Variants in ZNF804B observed in about 807,000 individuals in gnomAD.
ZNF804B encodes the protein zinc finger 804B.
ZNF804B carries 80 observed loss-of-function variants against 101.4 expected under a neutral mutation model. The ratio of observed to expected loss-of-function variants is 0.79; its 90% confidence interval spans 0.66 to 0.95. The LOEUF (loss-of-function observed/expected upper bound fraction) is 0.95. Ranked by LOEUF, ZNF804B falls within the 40% of genes least tolerant of loss-of-function variation. The pLI is 0.00. For missense variants in ZNF804B, 1,673 were observed against 1,561.9 expected (o/e 1.07, Z -1.20); for synonymous variants, 622 against 558.8 (o/e 1.11, Z -1.59).
chr7:88,771,065 T>G (rs897066953), intron 1 of ZNF804B, among the ~76,000 whole-genome samples: 4 of 152,176 alleles, frequency 2.6e-5, no homozygotes, highest in Non-Finnish European at 5.9e-5. Flanking sequence ...ACTGTTCACA[T>G]TTTTAAATAT....
rs538362117 is a variant in ZNF804B at position 89,201,481 on chromosome 7, C to T, written c.109-16674C>T. Among the ~76,000 whole-genome samples the T allele has an allele frequency of 8.6e-5, 13 of 152,022 alleles. No homozygotes were observed. The South Asian group carries it at 2.7e-3, about 32-fold the overall frequency. ...TATTACCTATTAGATATATTGTACA[C>T]TACTTGGTTGATTGGTCCACCAAAA... On this transcript the variant is annotated intron_variant, in intron 1 of 3. Transcript: ENST00000333190.
At chr7:88,985,916 A>G (rs1050417627) in intron 1 of ZNF804B, among the ~76,000 whole-genome samples, 12 of 152,162 alleles carry the variant, frequency 7.9e-5, no homozygotes, top group Non-Finnish European at 1.6e-4. Context: ...ACAGGAGGAT[A>G]TACTTTCTTC....
chr7:89,179,758 G>C (rs1301038889), intron 1 of ZNF804B, among the ~76,000 whole-genome samples: 1 of 152,062 alleles, frequency 6.6e-6, no homozygotes, highest in Non-Finnish European at 1.5e-5. Flanking sequence ...ATCACAGTCT[G>C]GGCTTGTTTG....
intron 1 of ZNF804B, among the ~76,000 whole-genome samples, chr7:89,057,033 T>G (rs1027070164): frequency 2.6e-5 from 4 of 152,176 alleles, no homozygotes; most frequent in Non-Finnish European, 5.9e-5. Flanking sequence ...TGTATTTTCA[T>G]GCTGGTCCCA....
intron 1 of ZNF804B, among the ~76,000 whole-genome samples, chr7:89,154,057 CA>C (rs1188812166): frequency 1.3e-5 from 2 of 151,598 alleles, no homozygotes; most frequent in Non-Finnish European, 2.9e-5. Flanking sequence ...ATAATCCAAT[CA>C]AAAAATGGGC....
intron 1 of ZNF804B, among the ~76,000 whole-genome samples, chr7:88,974,771 TA>T (rs1216664515): frequency 6.6e-6 from 1 of 151,382 alleles, no homozygotes; most frequent in Non-Finnish European, 1.5e-5. Context: ...TCACCTCAAA[TA>T]TTTACCATTT....
chr7:89,081,652 T>C (rs1184301078), intron 1 of ZNF804B, among the ~76,000 whole-genome samples: 1 of 151,874 alleles, frequency 6.6e-6, no homozygotes, highest in Middle Eastern at 3.4e-3. Context: ...GGGATTCACA[T>C]AATCTCTAAC....
intron 1 of ZNF804B, among the ~76,000 whole-genome samples, chr7:88,916,396 T>C (rs1192433764): frequency 2.0e-5 from 3 of 152,142 alleles, no homozygotes; most frequent in Non-Finnish European, 4.4e-5. Context: ...TATTAAAATC[T>C]GGCATAATGG....
At chr7:89,315,889 A>C (rs1328857994) in intron 2 of ZNF804B, among the ~76,000 whole-genome samples, 2 of 152,120 alleles carry the variant, frequency 1.3e-5, no homozygotes, top group African/African-American at 2.4e-5. Flanking sequence ...TATAATGATA[A>C]TTTCTTTGTC....
At chr7:89,105,018 G>A (rs1790114288) in intron 1 of ZNF804B, among the ~76,000 whole-genome samples, 1 of 152,118 alleles carries the variant, frequency 6.6e-6, no homozygotes. Flanking sequence ...GGAAGCTGAT[G>A]ATACCAATCT....
intron 1 of ZNF804B, among the ~76,000 whole-genome samples, chr7:88,791,296 T>C (rs1790378457): frequency 1.3e-5 from 2 of 152,144 alleles, no homozygotes; most frequent in Non-Finnish European, 2.9e-5. Flanking sequence ...GTGACTCCTA[T>C]ACGGGGTAAA....
intron 1 of ZNF804B, among the ~76,000 whole-genome samples, chr7:88,898,244 G>A (rs1224261988): frequency 6.6e-5 from 10 of 151,314 alleles, no homozygotes; most frequent in Admixed American, 4.0e-4. Context: ...CCGCCACCAC[G>A]CCCAGCTAAT....
intron 2 of ZNF804B, among the ~76,000 whole-genome samples, chr7:89,263,266 C>T (rs1411682772): frequency 2.0e-5 from 3 of 152,240 alleles, no homozygotes; most frequent in South Asian, 2.1e-4. Flanking sequence ...TAATTCTGGT[C>T]GTTGATCCTT....
chr7:88,792,682 T>G (rs1015456261), intron 1 of ZNF804B, among the ~76,000 whole-genome samples: 2 of 152,132 alleles, frequency 1.3e-5, no homozygotes, highest in Non-Finnish European at 2.9e-5. Flanking sequence ...ATAATGCTGT[T>G]TAATATTAGG....
At chr7:89,136,395 G>A (rs1393405932) in intron 1 of ZNF804B, among the ~76,000 whole-genome samples, 1 of 151,888 alleles carries the variant, frequency 6.6e-6, no homozygotes, top group South Asian at 2.1e-4. Context: ...TTTAATAATT[G>A]TTGAATGTAC....
chr7:89,106,962 A>G (rs1007918835), intron 1 of ZNF804B, among the ~76,000 whole-genome samples: 1 of 152,122 alleles, frequency 6.6e-6, no homozygotes, highest in Non-Finnish European at 1.5e-5. Context: ...TGACTCACAG[A>G]AATATTTAAC....
At chr7:89,207,711 C>A (rs1048533436) in intron 1 of ZNF804B, among the ~76,000 whole-genome samples, 1 of 152,100 alleles carries the variant, frequency 6.6e-6, no homozygotes, top group Admixed American at 6.5e-5. Context: ...AATTCCAGTT[C>A]TCTCCCCTTT....
At chr7:89,298,216 G>A (rs57161625) in intron 2 of ZNF804B, among the ~76,000 whole-genome samples, 2,561 of 27,254 alleles carry the variant, frequency 0.094, 173 homozygotes, top group East Asian at 0.39. Context: ...GTGTGTGTGT[G>A]TATATATATA....
At chr7:89,097,992 T>TA (rs1366274134) in intron 1 of ZNF804B, among the ~76,000 whole-genome samples, 1 of 152,178 alleles carries the variant, frequency 6.6e-6, no homozygotes, top group African/African-American at 2.4e-5. Flanking sequence ...TCAGAAGCTA[T>TA]ATAATAACAT....
Sources: allele counts gnomAD v4.1 joint callset (sites outside exome capture counted in the v4.1 genomes callset), GRCh38; gene constraint gnomAD v4.1.1; transcripts MANE v1.5; gene names NCBI Gene and HGNC (gene_info 2026-07-23, HGNC 2026-07-21).